Variants in ANO4 observed in about 807,000 individuals in gnomAD.
The protein encoded by ANO4 is anoctamin 4, also known as anoctamin-4.
In ANO4, 69 loss-of-function variants were observed where a neutral mutation model predicts 141.9. The observed-to-expected ratio is 0.49, with a 90% CI of 0.40 to 0.59. ANO4 has a LOEUF of 0.59. Ranked by LOEUF, ANO4 falls within the 20% of genes least tolerant of loss-of-function variation. The pLI, the probability that ANO4 is intolerant of heterozygous loss-of-function variation, is 0.00. For synonymous variants in ANO4, 350 were observed against 394.3 expected, an observed-to-expected ratio of 0.89 and a Z score of 1.33; for missense variants, 894 against 1,162.2, an observed-to-expected ratio of 0.77 and a Z score of 3.36.
chr12:100,887,750 C>T (rs1198099334), intron 1 of ANO4, among the ~76,000 whole-genome samples: 2 of 152,180 alleles, frequency 1.3e-5, no homozygotes, highest in African/African-American at 4.8e-5. Context: ...AATTGAAGAT[C>T]TCAGAAAGAA....
chr12:100,735,955 C>T (rs759197420), intron 2 of ANO4, among the ~76,000 whole-genome samples: 4 of 152,138 alleles, frequency 2.6e-5, no homozygotes, highest in East Asian at 1.9e-4. Flanking sequence ...AGAATTAGTA[C>T]GTTGTGTGTG....
intron 3 of ANO4, among the ~76,000 whole-genome samples, chr12:100,754,690 A>G (rs540027853): frequency 1.3e-5 from 2 of 152,354 alleles, no homozygotes; most frequent in African/African-American, 4.8e-5. Flanking sequence ...TGAATGGATA[A>G]ACAAAATGTG....
chr12:100,923,392 T>C (rs1174577819), intron 3 of ANO4, among the ~76,000 whole-genome samples: 1 of 151,496 alleles, frequency 6.6e-6, no homozygotes, highest in African/African-American at 2.4e-5. Flanking sequence ...CGGTGTTTGG[T>C]TTTCTATCCT....
intron 1 of ANO4, among the ~76,000 whole-genome samples, chr12:100,844,558 G>A (rs2037458773): frequency 6.6e-6 from 1 of 152,088 alleles, no homozygotes; most frequent in South Asian, 2.1e-4. Context: ...TTTGGGTTCT[G>A]AAGTGACAGG....
At chr12:100,751,640 A>G (rs930785268) in intron 3 of ANO4, among the ~76,000 whole-genome samples, 16 of 151,964 alleles carry the variant, frequency 1.1e-4, no homozygotes, top group Non-Finnish European at 1.5e-5. Flanking sequence ...GCAGCTATTT[A>G]TTGAGTGCCT....
chr12:101,034,944 A>G (rs2136579957), intron 9 of ANO4, among the ~76,000 whole-genome samples: 1 of 152,310 alleles, frequency 6.6e-6, no homozygotes, highest in South Asian at 2.1e-4. Context: ...TATGCTGCTG[A>G]TGGAAATGTA....
chr12:100,749,615 A>T (rs923301844), intron 3 of ANO4, among the ~76,000 whole-genome samples: 6 of 152,234 alleles, frequency 3.9e-5, no homozygotes, highest in African/African-American at 1.4e-4. Context: ...GATTGGTGGC[A>T]AATGATGAAG....
intron 1 of ANO4, among the ~76,000 whole-genome samples, chr12:100,798,148 T>C (rs1279738489): frequency 6.6e-6 from 1 of 152,218 alleles, no homozygotes; most frequent in Non-Finnish European, 1.5e-5. Context: ...GTCTTTGTGT[T>C]AAGAGGGGGA....
upstream of ANO4, among the ~76,000 whole-genome samples, chr12:100,792,558 TTC>T (rs1461321288): frequency 4.6e-5 from 7 of 152,244 alleles, no homozygotes; most frequent in African/African-American, 1.7e-4. Flanking sequence ...GGGAGGCATT[TTC>T]TGTCATTTTT....
chr12:100,903,529 T>C (rs955428419), intron 2 of ANO4, among the ~76,000 whole-genome samples: 2 of 152,208 alleles, frequency 1.3e-5, no homozygotes, highest in African/African-American at 4.8e-5. Context: ...TTTTTTGCCC[T>C]CTTCTTCCTT....
At chr12:101,050,692 G>A (rs1258965785) in intron 14 of ANO4, among the ~76,000 whole-genome samples, 1 of 152,098 alleles carries the variant, frequency 6.6e-6, no homozygotes, top group African/African-American at 2.4e-5. Flanking sequence ...AAACCTAAAT[G>A]TATTCATTTC....
intron 1 of ANO4, among the ~76,000 whole-genome samples, chr12:100,834,630 T>A (rs1448856155): frequency 6.6e-6 from 1 of 152,128 alleles, no homozygotes; most frequent in East Asian, 1.9e-4. Context: ...CTGGAGCTTG[T>A]ATTTTGGTGG....
chr12:100,945,001 AC>A (rs1037117381), intron 5 of ANO4, among the ~76,000 whole-genome samples: 24 of 152,180 alleles, frequency 1.6e-4, no homozygotes, highest in African/African-American at 5.6e-4. Context: ...AGTTAATTCA[AC>A]CTTTTATAGG....
At chr12:101,013,168 C>G (rs2046172112) in intron 8 of ANO4, among the ~76,000 whole-genome samples, 1 of 152,054 alleles carries the variant, frequency 6.6e-6, no homozygotes, top group Non-Finnish European at 1.5e-5. Flanking sequence ...TTATAAGGGT[C>G]CAGATCAAAA....
At chr12:100,958,014 T>G (rs1019885425) in intron 5 of ANO4, among the ~76,000 whole-genome samples, 1 of 152,228 alleles carries the variant, frequency 6.6e-6, no homozygotes, top group African/African-American at 2.4e-5. Context: ...CACAACCATT[T>G]TTTTAAATCA....
At chr12:101,066,366 A>G (rs1311302852) in intron 14 of ANO4, among the ~76,000 whole-genome samples, 1 of 152,210 alleles carries the variant, frequency 6.6e-6, no homozygotes, top group Admixed American at 6.5e-5. Flanking sequence ...GAAAAAACCT[A>G]AAGACTCCAC....
chr12:101,091,963 G>A (rs655481), intron 17 of ANO4, among the ~76,000 whole-genome samples: 106,683 of 151,936 alleles, frequency 0.7, 38,555 homozygotes, highest in East Asian at 0.88. Flanking sequence ...ATTTTATTCC[G>A]TGTCTTGAAA....
intron 3 of ANO4, among the ~76,000 whole-genome samples, chr12:100,776,443 C>T (rs1419412411): frequency 1.3e-5 from 2 of 152,192 alleles, no homozygotes; most frequent in African/African-American, 2.4e-5. Context: ...CAGGACCCCA[C>T]CTGCCTAAGA....
chr12:101,121,080 C>A (rs1593321853), intron 26 of ANO4, among the ~76,000 whole-genome samples: 1 of 152,132 alleles, frequency 6.6e-6, no homozygotes, highest in South Asian at 2.1e-4. Context: ...TCTTTTTCAA[C>A]TTTTATTTTA....
Sources: gnomAD v4.1 joint callset for allele counts (sites outside exome capture counted in the v4.1 genomes callset) on GRCh38, gnomAD v4.1.1 for gene constraint, MANE v1.5 for transcripts, NCBI Gene and HGNC (gene_info 2026-07-23, HGNC 2026-07-21) for gene names.